Variants in ASIP observed in about 807,000 individuals in gnomAD.
ASIP encodes agouti signaling protein.
Under a neutral mutation model 10.3 loss-of-function variants are expected in ASIP, and 11 were observed. That is an observed-to-expected ratio of 1.07 (90% CI 0.68 to 1.78). ASIP has a LOEUF of 1.78. Among genes scored for constraint, ASIP ranks in the 40% most tolerant of loss-of-function variants. ASIP has a pLI of 0.00. For missense variants in ASIP, 180 were observed against 169.2 expected (o/e 1.06, Z -0.35); for synonymous variants, 70 against 70.8 (o/e 0.99, Z 0.06).
At chr20:34,223,363 T>C (rs1436601105) in intron 1 of ASIP, among the ~76,000 whole-genome samples, 1 of 141,190 alleles carries the variant, frequency 7.1e-6, no homozygotes, top group Non-Finnish European at 1.5e-5. Context: ...AGCCGCCCCG[T>C]CTGAGAAGTG....
At chr20:34,236,954 G>GA (rs1043655899), upstream of ASIP, among the ~76,000 whole-genome samples, 2 of 151,870 alleles carry the variant, frequency 1.3e-5, no homozygotes, top group Non-Finnish European at 2.9e-5. Context: ...ACCATTTGTT[G>GA]AAAAAAACTC....
At chr20:34,250,760 T>A (rs1402172335) in intron 1 of ASIP, among the ~76,000 whole-genome samples, 2 of 152,068 alleles carry the variant, frequency 1.3e-5, no homozygotes, top group Non-Finnish European at 2.9e-5. Context: ...TCCATTCTCA[T>A]CTCTCACTAC....
chr20:34,259,109 A>G (rs1601610918), intron 1 of ASIP, among the ~76,000 whole-genome samples: 1 of 150,562 alleles, frequency 6.6e-6, no homozygotes, highest in Admixed American at 6.7e-5. Flanking sequence ...ACTCAGGAGG[A>G]TGAGGTGGGA....
chr20:34,252,333 G>A (rs149254315), intron 1 of ASIP, among the ~76,000 whole-genome samples: 2,016 of 152,292 alleles, frequency 0.013, 41 homozygotes, highest in African/African-American at 0.046. Context: ...GTGTAGCAGG[G>A]CAACAGGTGG....
In ASIP at chr20:34,260,382, T is replaced by A; in HGVS notation, c.8T>A (p.Val3Asp). 1 of 1,613,490 alleles carries A rather than the reference T, an allele frequency of 6.2e-7. No individual in the cohort carries two copies. The highest frequency in any genetic ancestry group is 8.5e-7 in the Non-Finnish European group (1 of 1,179,598). Residue 3 changes from valine to aspartate, a missense_variant, in exon 2 of 4, where the codon GTC becomes GAC. Val to Asp is a radical substitution (Grantham distance 152). Transcript: ENST00000374954. MD[V>D]TRLLLATLLV... ...CCACTCAGGCCTCCTGGGATGGATG[T>A]CACCCGCTTACTCCTGGCCACCCTG... is the stretch of plus-strand genomic sequence containing the variant.
In ASIP at chr20:34,269,092, C is replaced by T; in HGVS notation, c.324C>T (p.Cys108=). 1.3e-6 allele frequency: 2 copies of T among 1,572,490 alleles called. No homozygotes were observed. Among genetic ancestry groups the T allele is most frequent in the Non-Finnish European group, 1.7e-6 (2 of 1,159,918 alleles). The change falls in exon 4 of 4, where the codon TGC becomes TGT. Residue 108 remains cysteine, a synonymous_variant. Coordinates refer to ENST00000374954, the MANE Select transcript of ASIP (RefSeq NM_001672.3). ...NSCKPPAPAC[C]DPCASCQCRF... is the part of the protein sequence containing the mutation. ...GCAAGCCGCCGGCACCCGCCTGCTG[C>T]GACCCGTGCGCCTCCTGCCAGTGCC...
At chr20:34,262,945 TAAAG>T (rs774388882) in intron 3 of ASIP, 52 bp downstream of exon 3, 14 of 1,601,102 alleles carry the variant, frequency 8.7e-6, no homozygotes, top group Middle Eastern at 3.3e-4. Context: ...AGACTGGACT[TAAAG>T]AAGGAGGACC....
intron 2 of ASIP, among the ~76,000 whole-genome samples, chr20:34,262,280 C>G (rs940004420): frequency 6.6e-6 from 1 of 152,222 alleles, no homozygotes; most frequent in African/African-American, 2.4e-5. Flanking sequence ...TATTATGGAA[C>G]CTTTTTTGCA....
rs183716258 is a variant in ASIP, at chr20:34,267,075, A to G, written c.223-1916A>G. Reference sequence around the variant, plus strand: ...TAAAGTGAACAAGCAAGATGAGATTATTGACAGATAAAAATATATAACTGA... The same window carrying G: ...TAAAGTGAACAAGCAAGATGAGATTGTTGACAGATAAAAATATATAACTGA... On this transcript the variant is annotated intron_variant, in intron 3 of 3. Coordinates refer to ENST00000374954, the MANE Select transcript of ASIP (RefSeq NM_001672.3). Among the ~76,000 whole-genome samples, 13 of 152,334 alleles carry G rather than the reference A, an allele frequency of 8.5e-5. No homozygotes were observed. The East Asian group carries it at 2.5e-3, about 29-fold the overall frequency.
chr20:34,249,245 C>A (rs1183623137), intron 1 of ASIP, among the ~76,000 whole-genome samples: 4 of 152,046 alleles, frequency 2.6e-5, no homozygotes, highest in Non-Finnish European at 5.9e-5. Flanking sequence ...GGGCTGGGAC[C>A]AGAACCCAGG....
chr20:34,213,178 A>T (rs2034985494), intron 1 of ASIP, among the ~76,000 whole-genome samples: 2 of 152,114 alleles, frequency 1.3e-5, no homozygotes, highest in African/African-American at 4.8e-5. Flanking sequence ...CTTCTCCTCC[A>T]TCCTTTCTTT....
At chr20:34,187,136 ATT>A in the ASIP span, among the ~76,000 whole-genome samples, 1 of 152,224 alleles carries the variant, frequency 6.6e-6, no homozygotes, top group African/African-American at 2.4e-5. Flanking sequence ...GAATGCCCTG[ATT>A]GATCAATGAG....
rs187770814 is a variant in ASIP, at chr20:34,254,697, C to T, written c.-10-5668C>T. Among the ~76,000 whole-genome samples, 425 of 152,244 alleles carry T rather than the reference C, an allele frequency of 2.8e-3. 2 individuals are homozygous for T. Among genetic ancestry groups the T allele is most frequent in the Non-Finnish European group, 4.3e-3 (291 of 68,032 alleles). Reference sequence around the variant, plus strand: ...CCCAGACCCCTTATATGTGGTTTAACATAATATATGGATGATACTATTTTT... The same window carrying T: ...CCCAGACCCCTTATATGTGGTTTAATATAATATATGGATGATACTATTTTT... On this transcript the variant is annotated intron_variant, in intron 1 of 3. Transcript: ENST00000374954.
chr20:34,222,917 C>G (rs1181458210), intron 1 of ASIP, among the ~76,000 whole-genome samples: 2 of 152,174 alleles, frequency 1.3e-5, no homozygotes, highest in Non-Finnish European at 2.9e-5. Flanking sequence ...GACGGAGTCT[C>G]GTTCACTCAG....
intron 1 of ASIP, among the ~76,000 whole-genome samples, chr20:34,242,170 AT>A (rs1256605537): frequency 6.6e-6 from 1 of 151,766 alleles, no homozygotes; most frequent in Non-Finnish European, 1.5e-5. Flanking sequence ...TAGTGAAGTC[AT>A]TTTTGGTTTC....
chr20:34,249,388 T>C (rs905966116), intron 1 of ASIP, among the ~76,000 whole-genome samples: 4 of 151,890 alleles, frequency 2.6e-5, no homozygotes, highest in African/African-American at 4.8e-5. Context: ...GTGATGTCTA[T>C]AAGCAGTCTC....
At chr20:34,242,325 T>G (rs567540134) in intron 1 of ASIP, among the ~76,000 whole-genome samples, 1 of 152,278 alleles carries the variant, frequency 6.6e-6, no homozygotes, top group African/African-American at 2.4e-5. Flanking sequence ...CTCTGCCTCC[T>G]GAGTTCAAAC....
At chr20:34,215,844 A>C in intron 1 of ASIP, 2 of 1,332,542 alleles carry the variant, frequency 1.5e-6, no homozygotes, top group East Asian at 2.3e-5. Flanking sequence ...CTTAGTCTAA[A>C]GTCTGAATCA....
rs35269112 is a variant in ASIP, at chr20:34,198,056, A to AT, written c.-11+3315dup. On this transcript the variant is annotated intron_variant, in intron 1 of 3. Coordinates refer to the ASIP transcript ENST00000568305. The stretch of plus-strand genomic sequence containing the variant: ...GCTGACTTTTTTACTTGATTGCTTA[A>AT]TTTTTTTTTTTTTTTTTTTGAGACG... Among the ~76,000 whole-genome samples, 1,243 of 132,366 alleles carry AT rather than the reference A, an allele frequency of 9.4e-3. 12 individuals are homozygous for AT. Among genetic ancestry groups the AT allele is most frequent in the South Asian group, 0.041 (170 of 4,170 alleles). The allele number at this position is 132,366 out of a possible 152,430, so 86.8% of individuals were successfully genotyped here. A position where few individuals can be genotyped will look rare whatever the true frequency, so the allele number is the denominator to read the frequency against.
Sources: allele counts gnomAD v4.1 joint callset (sites outside exome capture counted in the v4.1 genomes callset), GRCh38; gene constraint gnomAD v4.1.1; transcripts MANE v1.5; gene names NCBI Gene and HGNC (gene_info 2026-07-23, HGNC 2026-07-21).